TMPRSS4: variants seen among roughly 807,000 people sequenced by gnomAD.
TMPRSS4 encodes transmembrane serine protease 4, also known as transmembrane protease serine 4.
Under a neutral mutation model 56.4 loss-of-function variants are expected in TMPRSS4, and 45 were observed. That is an observed-to-expected ratio of 0.80 (90% confidence interval 0.63 to 1.02). The LOEUF (loss-of-function observed/expected upper bound fraction) is 1.02, where lower values mean the gene tolerates loss of function less well. Among genes scored for constraint, TMPRSS4 ranks in the 50% least tolerant of loss-of-function variants. The pLI is 0.00. For missense variants in TMPRSS4, 546 were observed against 556.7 expected, an observed-to-expected ratio of 0.98 and a Z score of 0.19; for synonymous variants, 205 against 211.0, an observed-to-expected ratio of 0.97 and a Z score of 0.25.
intron 4 of TMPRSS4, among the ~76,000 whole-genome samples, chr11:118,104,250 T>C (rs982427188): frequency 3.3e-5 from 5 of 152,190 alleles, no homozygotes; most frequent in Non-Finnish European, 7.3e-5. Context: ...AACCTTCCCC[T>C]CTGACCTTAC....
intron 9 of TMPRSS4, 95 bp from the exon 10 acceptor site, chr11:118,114,734 A>G (rs1350374207): frequency 7.5e-7 from 1 of 1,328,528 alleles, no homozygotes; most frequent in Non-Finnish European, 1.1e-6. Context: ...CTCCCAGACC[A>G]GCAAGATCCC....
chr11:118,114,756 A>G, intron 9 of TMPRSS4, 73 bp from the exon 10 acceptor site: 1 of 1,398,782 alleles, frequency 7.1e-7, no homozygotes, highest in Non-Finnish European at 9.9e-7. Flanking sequence ...ATAATCATAA[A>G]GCATCATAAT....
intron 1 of TMPRSS4, among the ~76,000 whole-genome samples, chr11:118,091,045 A>G (rs1945913521): frequency 6.6e-6 from 1 of 152,178 alleles, no homozygotes; most frequent in Admixed American, 6.5e-5. Context: ...ATGCACAGGT[A>G]GACTCAGTGG....
chr11:118,102,168 C>A (rs1268275504), intron 3 of TMPRSS4, among the ~76,000 whole-genome samples: 1 of 152,060 alleles, frequency 6.6e-6, no homozygotes, highest in Non-Finnish European at 1.5e-5. Context: ...CCCGCCTCCC[C>A]CCGACAGGCC....
Position 118,107,846 on chromosome 11 carries a change from C to A in TMPRSS4, c.513C>A (p.Ser171Arg), listed in dbSNP as rs766806799. 1 of 1,614,098 alleles carries A rather than the reference C, an allele frequency of 6.2e-7. No homozygotes were observed. The highest frequency in any genetic ancestry group is 8.5e-7 in the Non-Finnish European group (1 of 1,180,006). The part of the protein sequence containing the change: ...DLDVVEITEN[S>R]QELRMRNSSG... The stretch of plus-strand genomic sequence containing the variant: ...ATGTTGTTGAAATCACAGAAAACAG[C>A]CAGGAGCTTCGCATGCGGAACTCAA... The change falls in exon 6 of 13, where the codon AGC becomes AGA. Residue 171 changes from serine to arginine, a missense_variant. Transcript: ENST00000437212.
intron 5 of TMPRSS4, chr11:118,106,892 C>A (rs1319061983): frequency 1.3e-5 from 2 of 152,174 alleles, no homozygotes; most frequent in Admixed American, 6.5e-5. Context: ...AGGGACAGAA[C>A]CTAGATCATG....
chr11:118,111,768 G>A lies in TMPRSS4; in HGVS notation c.611G>A (p.Arg204His), dbSNP rs748384003. Residue 204 changes from arginine (R) to histidine (H), a missense_variant, in exon 8 of 13, where the codon CGT (arginine) becomes CAT (histidine). Coordinates refer to ENST00000437212, the MANE Select transcript of TMPRSS4 (RefSeq NM_019894.4). ...TGTGGGAAGAGCCTGAAGACCCCCC[G>A]TGTGGTGGGTGTGGAGGAGGCCTCT... ...LACGKSLKTP[R>H]VVGVEEASVD... The A allele has an allele frequency of 2.4e-5, 39 of 1,596,654 alleles. No individual in the cohort carries two copies. Among genetic ancestry groups the A allele is most frequent in the Middle Eastern group, 1.7e-4 (1 of 6,008 alleles).
intron 2 of TMPRSS4, among the ~76,000 whole-genome samples, chr11:118,095,830 G>A (rs1336455750): frequency 2.0e-5 from 3 of 152,208 alleles, no homozygotes; most frequent in Admixed American, 1.3e-4. Flanking sequence ...GAAGTGACAG[G>A]ATGAAAGCAA....
rs1483197707 is a variant in TMPRSS4, at chr11:118,118,873, A to G, written c.*960A>G. On this transcript the variant is annotated 3_prime_UTR_variant, in exon 13 of 13. Coordinates refer to ENST00000437212, the MANE Select transcript of TMPRSS4 (RefSeq NM_019894.4). ...GCCCTCAGTGTGGCTTCTTACATTT[A>G]AAAAACAAAAAGGATCAGCTGCCAG... The G allele has an allele frequency of 3.0e-6, 3 of 985,172 alleles. No individual in the cohort carries two copies. Among genetic ancestry groups the G allele is most frequent in the African/African-American group, 1.7e-5 (1 of 57,220 alleles). The allele number at this position is 985,172 out of a possible 1,614,324, so 61.0% of individuals were successfully genotyped here. A position where few individuals can be genotyped will look rare whatever the true frequency, so the allele number is the denominator to read the frequency against.
intron 1 of TMPRSS4, among the ~76,000 whole-genome samples, chr11:118,079,559 C>T (rs1296200253): frequency 6.6e-6 from 1 of 152,192 alleles, no homozygotes; most frequent in Non-Finnish European, 1.5e-5. Flanking sequence ...GACTGGTTAT[C>T]CTGGCCTTGA....
chr11:118,107,910 C>G (rs772678556), intron 6 of TMPRSS4, 35 bp downstream of exon 6: 2 of 1,555,672 alleles, frequency 1.3e-6, no homozygotes, highest in South Asian at 2.2e-5. Flanking sequence ...CTACAGAAGG[C>G]CCCCACATGG....
chr11:118,117,559 C>T, intron 12 of TMPRSS4, 105 bp downstream of exon 12: 1 of 1,505,644 alleles, frequency 6.6e-7, no homozygotes, highest in East Asian at 2.3e-5. Flanking sequence ...CAACTCTTTA[C>T]ATCCCAAATA....
At chr11:118,095,093 G>A (rs550415590) in intron 2 of TMPRSS4, 1 of 562,254 alleles carries the variant, frequency 1.8e-6, no homozygotes, top group Non-Finnish European at 3.2e-6. Flanking sequence ...CCAAAGCAAT[G>A]ATTCTCCAAT....
chr11:118,091,019 A>G (rs11822370), intron 1 of TMPRSS4, among the ~76,000 whole-genome samples: 42,256 of 151,962 alleles, frequency 0.28, 6,416 homozygotes, highest in Middle Eastern at 0.34. Context: ...ACCTACCTCA[A>G]TGAATGCAGG....
intron 5 of TMPRSS4, among the ~76,000 whole-genome samples, chr11:118,105,081 T>G (rs887862611): frequency 4.0e-5 from 6 of 149,456 alleles, no homozygotes; most frequent in Non-Finnish European, 8.8e-5. Context: ...TGTGCTGCCC[T>G]CCAACACACA....
At chr11:118,105,907 A>C (rs1946967086) in intron 5 of TMPRSS4, 1 of 152,254 alleles carries the variant, frequency 6.6e-6, no homozygotes, top group South Asian at 2.1e-4. Context: ...CAAATCAATC[A>C]GAATTATTTG....
At position 118,096,900 on chromosome 11, in the gene TMPRSS4, AAAGAAAGAAAGG is replaced by A. The variant is rs1591373727; in HGVS notation, c.43+2046_43+2057del. Among the ~76,000 whole-genome samples the A allele has an allele frequency of 2.7e-4, 15 of 55,210 alleles. 2 individuals carry two copies. The South Asian group carries it at 3.6e-3, about 13-fold the overall frequency. The allele number at this position is 55,210 out of a possible 152,430, so 36.2% of individuals were successfully genotyped here. ...GAAAGAAAGAAAGAAAGAAAGAAAG[AAAGAAAGAAAGG>A]GAGAGAGAAAGGAAAGAAAGAAAGA... On this transcript the variant is annotated intron_variant, in intron 2 of 12. Transcript: ENST00000437212.
chr11:118,102,165 C>G (rs1422207735), intron 3 of TMPRSS4, among the ~76,000 whole-genome samples: 4 of 152,064 alleles, frequency 2.6e-5, no homozygotes, highest in Admixed American at 2.6e-4. Flanking sequence ...CCTCCCGCCT[C>G]CCCCCGACAG....
chr11:118,089,731 A>G (rs1249441425), intron 1 of TMPRSS4, among the ~76,000 whole-genome samples: 1 of 152,230 alleles, frequency 6.6e-6, no homozygotes, highest in African/African-American at 2.4e-5. Flanking sequence ...TCCCTGCCCA[A>G]GTAAGTTCTT....
Sources: allele counts gnomAD v4.1 joint callset (sites outside exome capture counted in the v4.1 genomes callset), GRCh38; gene constraint gnomAD v4.1.1; transcripts MANE v1.5; gene names NCBI Gene and HGNC (gene_info 2026-07-23, HGNC 2026-07-21).